Variants in LAMC3 observed in about 807,000 individuals in gnomAD.
The protein encoded by LAMC3 is laminin subunit gamma 3, also known as laminin subunit gamma-3.
In LAMC3, 128 loss-of-function variants were observed where a neutral mutation model predicts 173.8. The ratio of observed to expected loss-of-function variants is 0.74; its 90% CI spans 0.64 to 0.85. The LOEUF (loss-of-function observed/expected upper bound fraction) is 0.85, where lower values mean the gene tolerates loss of function less well. LAMC3 is among the 40% of genes least tolerant of loss of function. The pLI is 0.00. For missense variants in LAMC3, 2,022 were observed against 2,156.0 expected (o/e 0.94, Z 1.23); for synonymous variants, 897 against 909.1 (o/e 0.99, Z 0.24).
rs1833380248 is a variant in LAMC3, at chr9:131,009,837, T to G, written c.373+250T>G. 6.6e-6 allele frequency among the ~76,000 whole-genome samples: 1 copy of G among 151,634 alleles called. No homozygotes were observed. Among genetic ancestry groups the G allele is most frequent in the Non-Finnish European group, 1.5e-5 (1 of 67,858 alleles). The stretch of plus-strand genomic sequence containing the variant: ...TTCAAGATCAGCCTGGGCAACGTAG[T>G]GAGATCCCATCTTTACAAAAAATAA... On this transcript the variant is annotated intron_variant, in intron 1 of 27. Transcript: ENST00000361069. The surrounding 1 kb of genome is among the most constrained non-coding windows in gnomAD (Gnocchi z 4.3).
chr9:131,052,394 C>CT (rs1834305904), intron 9 of LAMC3, 97 bp from the exon 10 acceptor site: 1 of 1,190,418 alleles, frequency 8.4e-7, no homozygotes, highest in Non-Finnish European at 1.3e-6. Flanking sequence ...GCACTTTTAT[C>CT]TTTTTTGAAT....
chr9:131,042,507 G>C (rs1271467055), intron 7 of LAMC3, among the ~76,000 whole-genome samples: 1 of 149,368 alleles, frequency 6.7e-6, no homozygotes, highest in Middle Eastern at 3.5e-3. Context: ...CATCACTCAT[G>C]GAGCATTGTC....
Position 131,055,486 on chromosome 9 carries a change from A to G in LAMC3, c.1940-1443A>G, listed in dbSNP as rs536638281. 6.5e-3 allele frequency among the ~76,000 whole-genome samples: 844 copies of G among 130,074 alleles called. 5 individuals are homozygous for G. The highest frequency in any genetic ancestry group is 0.053 in the Middle Eastern group (10 of 188). The allele number at this position is 130,074 out of a possible 152,430, so 85.3% of individuals were successfully genotyped here. ...GTCACCCAGGCTGGAGTGCAGTGGC[A>G]TGATCTCTGCTCACTGCAAGCTCCG... On this transcript the variant is annotated intron_variant, in intron 11 of 27. Coordinates refer to ENST00000361069, the MANE Select transcript of LAMC3 (RefSeq NM_006059.4).
At chr9:131,084,938 CAAAAA>C (rs35487130) in intron 24 of LAMC3, among the ~76,000 whole-genome samples, 3 of 123,694 alleles carry the variant, frequency 2.4e-5, no homozygotes, top group East Asian at 2.6e-4. Flanking sequence ...GACCTTGTCT[CAAAAA>C]AAAAAAAAAA....
chr9:131,056,517 C>T (rs1834408319), intron 11 of LAMC3, among the ~76,000 whole-genome samples: 1 of 131,760 alleles, frequency 7.6e-6, no homozygotes. Flanking sequence ...AAAAATCAAC[C>T]AGCGCAGTGG....
At chr9:131,079,062 A>G (rs1456701614) in intron 22 of LAMC3, 87 bp from the exon 23 acceptor site, 2 of 1,517,746 alleles carry the variant, frequency 1.3e-6, no homozygotes, top group Non-Finnish European at 1.8e-6. Context: ...CCGCCGCCTC[A>G]GCCCAGCAGG....
intron 1 of LAMC3, among the ~76,000 whole-genome samples, chr9:131,019,925 G>A (rs373373517): frequency 1.3e-5 from 2 of 151,828 alleles, no homozygotes; most frequent in Admixed American, 6.6e-5. Flanking sequence ...CAGCAGGAGC[G>A]CCAAGCTGTG....
chr9:131,023,521 G>A (rs1424605210), intron 1 of LAMC3, among the ~76,000 whole-genome samples: 2 of 152,180 alleles, frequency 1.3e-5, no homozygotes, highest in African/African-American at 2.4e-5. Flanking sequence ...TTTCCCTGCT[G>A]GCCAATGATG....
intron 22 of LAMC3, among the ~76,000 whole-genome samples, chr9:131,077,676 C>CAAAAAAA (rs56320740): frequency 7.2e-5 from 2 of 27,724 alleles, no homozygotes; most frequent in Non-Finnish European, 1.2e-4. Flanking sequence ...GACTCCATCT[C>CAAAAAAA]AAAAAAAAAA....
chr9:131,040,032 T>TG (rs398012454), intron 6 of LAMC3, among the ~76,000 whole-genome samples: 1 of 150,062 alleles, frequency 6.7e-6, no homozygotes, highest in Non-Finnish European at 1.5e-5. Flanking sequence ...TTTTTTTTTT[T>TG]GAGACAGATT....
chr9:131,079,142 C>T lies in LAMC3; in HGVS notation c.3778-7C>T. On this transcript the variant is annotated splice_region_variant and splice_polypyrimidine_tract_variant and intron_variant, in intron 22 of 27. Transcript: ENST00000361069. ...AGGCCCTGCCTGAGCGCATTGTCTC[C>T]CTGCAGCCTCAGAAGTCCCGGGCTG... 1.2e-6 allele frequency: 2 copies of T among 1,612,578 alleles called. No individual in the cohort carries two copies. Among genetic ancestry groups the T allele is most frequent in the African/African-American group, 1.3e-5 (1 of 75,032 alleles).
At chr9:131,034,422 A>G (rs1430900951) in intron 3 of LAMC3, among the ~76,000 whole-genome samples, 1 of 152,226 alleles carries the variant, frequency 6.6e-6, no homozygotes, top group Non-Finnish European at 1.5e-5. Flanking sequence ...TGTGTCCGCT[A>G]TCAGCTAAAG....
intron 20 of LAMC3, 142 bp downstream of exon 20, chr9:131,073,463 TGGGGAG>T (rs1465013992): frequency 1.4e-6 from 1 of 717,920 alleles, no homozygotes; most frequent in Non-Finnish European, 2.5e-6. Context: ...GTCACCAGCA[TGGGGAG>T]GGGCAGGCAA....
intron 8 of LAMC3, among the ~76,000 whole-genome samples, chr9:131,045,902 C>T (rs527970656): frequency 1.3e-5 from 2 of 152,310 alleles, no homozygotes; most frequent in East Asian, 3.9e-4. Context: ...GGGCCGGGTA[C>T]GTGACGCTTT....
At chr9:131,075,585 A>G (rs1172866791) in intron 20 of LAMC3, among the ~76,000 whole-genome samples, 2 of 150,374 alleles carry the variant, frequency 1.3e-5, no homozygotes, top group Non-Finnish European at 3.0e-5. Flanking sequence ...AAAAAGTCCT[A>G]TTAATCCTTA....
chr9:131,057,586 C>T (rs1829713446), intron 12 of LAMC3, among the ~76,000 whole-genome samples: 2 of 152,216 alleles, frequency 1.3e-5, no homozygotes, highest in South Asian at 4.1e-4. Flanking sequence ...GTGACAGCAG[C>T]TCATAGGCAC....
intron 13 of LAMC3, among the ~76,000 whole-genome samples, chr9:131,064,712 A>G (rs1246879053): frequency 6.7e-6 from 1 of 150,256 alleles, no homozygotes; most frequent in African/African-American, 2.4e-5. Flanking sequence ...ATGTTGGAGC[A>G]GTGTAAAAAT....
chr9:131,041,766 T>C (rs774230460), intron 7 of LAMC3, 31 bp downstream of exon 7: 1 of 1,591,240 alleles, frequency 6.3e-7, no homozygotes, highest in East Asian at 2.2e-5. Flanking sequence ...GTAAGCTTGC[T>C]GGAAGTGACC....
chr9:131,012,514 C>A (rs869936), intron 1 of LAMC3, among the ~76,000 whole-genome samples: 1 of 152,152 alleles, frequency 6.6e-6, no homozygotes, highest in Non-Finnish European at 1.5e-5. Context: ...GGCCGCCCTG[C>A]CTCCTCAAAG....
Sources: allele counts gnomAD v4.1 joint callset (sites outside exome capture counted in the v4.1 genomes callset), GRCh38; gene constraint gnomAD v4.1.1; non-coding constraint Gnocchi (gnomAD v3.1); transcripts MANE v1.5; gene names NCBI Gene and HGNC (gene_info 2026-07-23, HGNC 2026-07-21).